PTPA: variants seen among roughly 807,000 people sequenced by gnomAD.
PTPA encodes serine/threonine-protein phosphatase 2A activator.
Under a neutral mutation model 43.6 loss-of-function variants are expected in PTPA, and 13 were observed. That is an observed-to-expected ratio of 0.30 (90% CI 0.19 to 0.47). PTPA has a LOEUF of 0.47. PTPA is among the 20% of genes least tolerant of loss of function. PTPA has a pLI of 0.99. For synonymous variants in PTPA, 172 were observed against 158.2 expected, an observed-to-expected ratio of 1.09 and a Z score of -0.66; for missense variants, 329 against 411.9, an observed-to-expected ratio of 0.80 and a Z score of 1.74.
chr9:129,119,800 A>T (rs928388747), intron 1 of PTPA: 4 of 152,154 alleles, frequency 2.6e-5, no homozygotes, highest in African/African-American at 9.7e-5. Flanking sequence ...GGGAGAGGGA[A>T]GGGAGGGCAT....
chr9:129,137,660 A>G lies in PTPA; in HGVS notation c.754A>G (p.Met252Val), dbSNP rs778674089. The G allele has an allele frequency of 9.9e-6, 16 of 1,611,636 alleles. No homozygotes were observed. In the East Asian group the frequency reaches 2.9e-4, roughly 29 times the overall value. The change falls in exon 8 of 10, where the codon ATG (methionine) becomes GTG (valine). Residue 252 changes from methionine to valine, a missense_variant. Physicochemically the swap from Met to Val is conservative, Grantham distance 21. Transcript: ENST00000393370. ...KAVNENHKDYMFLECILFITE... is the reference protein window; with the variant it reads ...KAVNENHKDYVFLECILFITE... The stretch of plus-strand genomic sequence containing the variant: ...CGTGAATGAGAACCACAAGGACTAC[A>G]TGTTCCTGGAGTGTATCCTGTTTAT...
chr9:129,120,447 G>A, intron 1 of PTPA, 66 bp from the exon 2 acceptor site: 1 of 1,071,534 alleles, frequency 9.3e-7, no homozygotes, highest in South Asian at 1.4e-5. Context: ...AAAGGTGAAA[G>A]GGAGTGTGTG....
chr9:129,136,370 T>C, intron 6 of PTPA, 101 bp from the exon 7 acceptor site: 1 of 1,308,146 alleles, frequency 7.6e-7, no homozygotes. Flanking sequence ...TTAACACTCT[T>C]CAGTGGTTAT....
At chr9:129,127,878 G>T (rs1849681749) in intron 3 of PTPA, 1 of 907,000 alleles carries the variant, frequency 1.1e-6, no homozygotes, top group Non-Finnish European at 1.6e-6. Flanking sequence ...ATTTAACAGT[G>T]AGGAATTAAA....
intron 1 of PTPA, among the ~76,000 whole-genome samples, chr9:129,113,615 C>G (rs1311965054): frequency 2.0e-5 from 3 of 151,730 alleles, no homozygotes; most frequent in Non-Finnish European, 4.4e-5. Flanking sequence ...ATTCAAAATA[C>G]AAAAATTAGC....
upstream of PTPA, chr9:129,111,137 C>T (rs1848439329): frequency 2.3e-6 from 3 of 1,303,272 alleles, no homozygotes; most frequent in Non-Finnish European, 3.1e-6. Flanking sequence ...TCTAATATTC[C>T]TTGGGTTAGG....
In PTPA at chr9:129,146,111, T is replaced by TG. The variant is rs148579935; in HGVS notation, c.895-1269dup. On this transcript the variant is annotated intron_variant, in intron 9 of 9. Transcript: ENST00000393370. ...CTGGAATTCCAGGGCCCTTGGGGGG[T>TG]GGGGGGGCTCTTATGACCACTTCTG... 5.8e-3 allele frequency among the ~76,000 whole-genome samples: 431 copies of TG among 74,208 alleles called. 3 individuals are homozygous for TG. Among genetic ancestry groups the TG allele is most frequent in the African/African-American group, 0.021 (416 of 19,352 alleles). The allele number at this position is 74,208 out of a possible 152,430, so 48.7% of individuals were successfully genotyped here. A position where few individuals can be genotyped will look rare whatever the true frequency, so the allele number is the denominator to read the frequency against.
upstream of PTPA, chr9:129,111,304 G>C: frequency 1.8e-6 from 2 of 1,136,702 alleles, no homozygotes; most frequent in Non-Finnish European, 2.2e-6. Context: ...AGCGCTTGGC[G>C]GCCGTTGGCG....
At chr9:129,131,417 C>A in intron 4 of PTPA, 105 bp from the exon 5 acceptor site, 1 of 953,948 alleles carries the variant, frequency 1.0e-6, no homozygotes, top group South Asian at 1.4e-5. Flanking sequence ...CCAAGCTGGC[C>A]TGGCAAGGCA....
At chr9:129,115,039 A>G (rs565142187) in intron 1 of PTPA, among the ~76,000 whole-genome samples, 1 of 152,176 alleles carries the variant, frequency 6.6e-6, no homozygotes, top group African/African-American at 2.4e-5. Flanking sequence ...TCACTCTGTC[A>G]CCCAGGCTGG....
At position 129,134,912 on chromosome 9, in the gene PTPA, A is replaced by AG. The variant is rs778091543; in HGVS notation, c.560+21dup. Reference sequence around the variant, plus strand: ...TTCAATCGGTGAGAGAAAGGACAGGAGGGTTGGAGGAGGGGGCGTGAGGGG... The same window carrying AG: ...TTCAATCGGTGAGAGAAAGGACAGGAGGGGTTGGAGGAGGGGGCGTGAGGGG... On this transcript the variant is annotated intron_variant, in intron 6 of 9. Coordinates refer to ENST00000393370, the MANE Select transcript of PTPA (RefSeq NM_178000.3). 6.2e-7 allele frequency: 1 copy of AG among 1,602,984 alleles called. No individual in the cohort carries two copies. Among genetic ancestry groups the AG allele is most frequent in the South Asian group, 1.1e-5 (1 of 90,706 alleles).
At chr9:129,139,064 G>T (rs1247404981) in intron 8 of PTPA, among the ~76,000 whole-genome samples, 1 of 152,232 alleles carries the variant, frequency 6.6e-6, no homozygotes, top group Admixed American at 6.5e-5. Flanking sequence ...GGGTGCAGAT[G>T]CCACACTGAG....
At chr9:129,111,300 T>G (rs895075936), upstream of PTPA, 1 of 1,129,074 alleles carries the variant, frequency 8.9e-7, no homozygotes, top group Non-Finnish European at 1.1e-6. Flanking sequence ...TCCTAGCGCT[T>G]GGCGGCCGTT....
At chr9:129,128,229 AG>A (rs1849710109) in intron 3 of PTPA, among the ~76,000 whole-genome samples, 1 of 152,174 alleles carries the variant, frequency 6.6e-6, no homozygotes. Context: ...ATAACACAGA[AG>A]GGTATGTTAA....
intron 8 of PTPA, among the ~76,000 whole-genome samples, chr9:129,140,671 G>A (rs2131614982): frequency 6.6e-6 from 1 of 152,304 alleles, no homozygotes; most frequent in Middle Eastern, 3.4e-3. Flanking sequence ...GGTGCCTCCT[G>A]GTTGCTTGCT....
chr9:129,123,864 G>A (rs982997225), intron 3 of PTPA, among the ~76,000 whole-genome samples: 1 of 151,900 alleles, frequency 6.6e-6, no homozygotes, highest in African/African-American at 2.4e-5. Context: ...TTTATTTTTA[G>A]TAGAGACGGG....
chr9:129,134,791 C>G lies in PTPA; in HGVS notation c.461-4C>G. The G allele has an allele frequency of 6.2e-7, 1 of 1,612,394 alleles. No homozygotes were observed. Among genetic ancestry groups the G allele is most frequent in the Non-Finnish European group, 8.5e-7 (1 of 1,179,164 alleles). On this transcript the variant is annotated splice_region_variant and splice_polypyrimidine_tract_variant and intron_variant, in intron 5 of 9. Coordinates refer to ENST00000393370, the MANE Select transcript of PTPA (RefSeq NM_178000.3). ...TGTCAACGCTGGTTGTTTTTCTCCT[C>G]CAGGGCATGAGGCAGCCTTCGCTGC...
chr9:129,142,880 C>G (rs763901981), intron 9 of PTPA: 10 of 1,509,226 alleles, frequency 6.6e-6, no homozygotes, highest in Non-Finnish European at 8.8e-6. Context: ...CCAAAGGCTC[C>G]TCAAAGCTCG....
At chr9:129,142,126 T>G (rs1032386473) in intron 8 of PTPA, 4 of 269,122 alleles carry the variant, frequency 1.5e-5, no homozygotes, top group Non-Finnish European at 2.1e-5. Context: ...TGGTGGGCGA[T>G]AGGAATCAGG....
Sources: allele counts gnomAD v4.1 joint callset (sites outside exome capture counted in the v4.1 genomes callset), GRCh38; gene constraint gnomAD v4.1.1; transcripts MANE v1.5; gene names NCBI Gene and HGNC (gene_info 2026-07-23, HGNC 2026-07-21).